Variants in PRR16 observed in about 807,000 individuals in gnomAD.
PRR16 encodes the protein protein Largen.
Under a neutral mutation model 18.2 loss-of-function variants are expected in PRR16, and 6 were observed. The observed-to-expected ratio is 0.33, with a 90% CI of 0.18 to 0.65. The LOEUF (loss-of-function observed/expected upper bound fraction) is 0.65, where lower values mean the gene tolerates loss of function less well. Ranked by LOEUF, PRR16 falls within the 30% of genes least tolerant of loss-of-function variation. The probability of loss-of-function intolerance (pLI) is 0.74; values close to 1 mark genes in which losing one functional copy is unlikely to be tolerated. For missense variants in PRR16, 412 were observed against 376.6 expected (o/e 1.09, Z -0.78); for synonymous variants, 151 against 147.8 (o/e 1.02, Z -0.16).
chr5:120,610,567 C>T (rs9327157), intron 1 of PRR16, among the ~76,000 whole-genome samples: 131,282 of 151,878 alleles, frequency 0.86, 57,081 homozygotes, highest in African/African-American at 0.94. Context: ...GCTACTCTCA[C>T]GATAGTGAAT....
At chr5:120,725,027 A>C in the PRR16 span, among the ~76,000 whole-genome samples, 1 of 152,090 alleles carries the variant, frequency 6.6e-6, no homozygotes, top group Admixed American at 6.6e-5. Flanking sequence ...AAAGATTATT[A>C]GAGAGAAGAT....
intron 1 of PRR16, among the ~76,000 whole-genome samples, chr5:120,540,945 G>A (rs1233373996): frequency 6.6e-6 from 1 of 152,132 alleles, no homozygotes; most frequent in Non-Finnish European, 1.5e-5. Flanking sequence ...TGTAAGCTCT[G>A]TTTAGGCACC....
chr5:120,680,185 A>T (rs967178846), intron 1 of PRR16, among the ~76,000 whole-genome samples: 2 of 152,122 alleles, frequency 1.3e-5, no homozygotes, highest in Admixed American at 6.5e-5. Context: ...AAGAAACAAA[A>T]TATTGATGTT....
At chr5:120,721,320 T>G in the PRR16 span, among the ~76,000 whole-genome samples, 1 of 151,954 alleles carries the variant, frequency 6.6e-6, no homozygotes, top group African/African-American at 2.4e-5. Flanking sequence ...ATGGGGCATG[T>G]TGTAAGGTGA....
At chr5:120,553,212 A>T (rs1009320625) in intron 1 of PRR16, among the ~76,000 whole-genome samples, 2 of 151,992 alleles carry the variant, frequency 1.3e-5, no homozygotes, top group Non-Finnish European at 2.9e-5. Flanking sequence ...ACATTCATTT[A>T]ATGTTTGGTA....
At chr5:120,649,556 CAG>C (rs1755706727) in intron 1 of PRR16, among the ~76,000 whole-genome samples, 1 of 152,040 alleles carries the variant, frequency 6.6e-6, no homozygotes, top group Non-Finnish European at 1.5e-5. Context: ...ATAAAGTAAA[CAG>C]ATGTAGCTCC....
chr5:120,658,756 T>C (rs17501753), intron 1 of PRR16, among the ~76,000 whole-genome samples: 23,035 of 151,976 alleles, frequency 0.15, 1,953 homozygotes, highest in African/African-American at 0.17. Context: ...TCTGCTCCCA[T>C]TTTTCTAATT....
the PRR16 span, among the ~76,000 whole-genome samples, chr5:120,749,300 AG>A: frequency 6.6e-6 from 1 of 152,146 alleles, no homozygotes; most frequent in African/African-American, 2.4e-5. Flanking sequence ...AAATTTTAGA[AG>A]CACAAAATTT....
At chr5:120,690,043 A>C (rs1561618943), downstream of PRR16, among the ~76,000 whole-genome samples, 1 of 152,172 alleles carries the variant, frequency 6.6e-6, no homozygotes, top group African/African-American at 2.4e-5. Flanking sequence ...TAATATTGGA[A>C]GAAATGAATC....
At chr5:120,781,681 T>A in the PRR16 span, among the ~76,000 whole-genome samples, 1 of 151,574 alleles carries the variant, frequency 6.6e-6, no homozygotes, top group African/African-American at 2.4e-5. Context: ...AGTACCATGT[T>A]CTCAACCCCG....
chr5:120,582,198 C>T (rs1753294935), intron 1 of PRR16, among the ~76,000 whole-genome samples: 1 of 152,012 alleles, frequency 6.6e-6, no homozygotes, highest in Non-Finnish European at 1.5e-5. Flanking sequence ...AGAACTAACT[C>T]AGAAACAGAA....
At chr5:120,483,080 C>T (rs886666995) in intron 1 of PRR16, among the ~76,000 whole-genome samples, 2 of 152,114 alleles carry the variant, frequency 1.3e-5, no homozygotes, top group Non-Finnish European at 2.9e-5. Flanking sequence ...AACAAACGTT[C>T]ATTTGTCTAA....
At chr5:120,531,618 C>T (rs1168702792) in intron 1 of PRR16, 1 of 151,994 alleles carries the variant, frequency 6.6e-6, no homozygotes, top group Non-Finnish European at 1.5e-5. Flanking sequence ...TTCTGATTTC[C>T]ACCTTCCTGT....
intron 1 of PRR16, among the ~76,000 whole-genome samples, chr5:120,528,137 A>C (rs1751429328): frequency 6.6e-6 from 1 of 152,172 alleles, no homozygotes; most frequent in Non-Finnish European, 1.5e-5. Flanking sequence ...GGATGGATAG[A>C]GTGTCATTTG....
chr5:120,615,928 C>T (rs944377408), intron 1 of PRR16, among the ~76,000 whole-genome samples: 1 of 152,032 alleles, frequency 6.6e-6, no homozygotes, highest in African/African-American at 2.4e-5. Flanking sequence ...AAGTTAAACT[C>T]CTTGAGCTTA....
At chr5:120,502,700 G>A (rs73264188) in intron 1 of PRR16, among the ~76,000 whole-genome samples, 2,005 of 152,156 alleles carry the variant, frequency 0.013, 16 homozygotes, top group Middle Eastern at 0.11. Context: ...CTTTTTATTA[G>A]TCGAAGCATG....
chr5:120,615,338 T>C (rs1455838450), intron 1 of PRR16, among the ~76,000 whole-genome samples: 1 of 151,312 alleles, frequency 6.6e-6, no homozygotes, highest in African/African-American at 2.4e-5. Flanking sequence ...TATTCTCTTC[T>C]ATAGGCCCTT....
At chr5:120,615,052 G>GAAAA (rs3047989) in intron 1 of PRR16, among the ~76,000 whole-genome samples, 3 of 151,130 alleles carry the variant, frequency 2.0e-5, no homozygotes, top group East Asian at 3.9e-4. Context: ...CTGTATAACG[G>GAAAA]AAAAAAAAAT....
chr5:120,654,792 A>T (rs1375457925), intron 1 of PRR16, among the ~76,000 whole-genome samples: 2 of 151,918 alleles, frequency 1.3e-5, no homozygotes, highest in African/African-American at 4.8e-5. Flanking sequence ...TCAGTAAAAG[A>T]GTTGAATGGT....
Sources: gnomAD v4.1 joint callset for allele counts (sites outside exome capture counted in the v4.1 genomes callset) on GRCh38, gnomAD v4.1.1 for gene constraint, MANE v1.5 for transcripts, NCBI Gene and HGNC (gene_info 2026-07-23, HGNC 2026-07-21) for gene names.